The following TRPC1 variants were observed in gnomAD, a reference collection of about 807,000 sequenced individuals.
The protein encoded by TRPC1 is transient receptor potential cation channel subfamily C member 1.
Under a neutral mutation model 88.2 loss-of-function variants are expected in TRPC1, and 42 were observed. The observed-to-expected ratio is 0.48, with a 90% CI of 0.37 to 0.62. The LOEUF (loss-of-function observed/expected upper bound fraction) is 0.62, where lower values mean the gene tolerates loss of function less well. Ranked by LOEUF, TRPC1 falls within the 20% of genes least tolerant of loss-of-function variation. TRPC1 has a pLI of 0.00. For missense variants in TRPC1, 699 were observed against 957.3 expected, an observed-to-expected ratio of 0.73 and a Z score of 3.56; for synonymous variants, 288 against 331.8, an observed-to-expected ratio of 0.87 and a Z score of 1.43.
intron 5 of TRPC1, 70 bp from the exon 6 acceptor site, chr3:142,780,764 T>G: frequency 7.0e-7 from 1 of 1,429,404 alleles, no homozygotes; most frequent in Non-Finnish European, 9.3e-7. Context: ...AGTAAAAACG[T>G]TTTTAGTGAA....
intron 4 of TRPC1, among the ~76,000 whole-genome samples, chr3:142,757,546 G>A (rs569371091): frequency 4.3e-4 from 65 of 150,242 alleles, no homozygotes; most frequent in African/African-American, 1.6e-3. Flanking sequence ...ACTAACACAG[G>A]AACAGAAAAC....
At chr3:142,803,669 G>A (rs897189643) in intron 10 of TRPC1, among the ~76,000 whole-genome samples, 3 of 152,188 alleles carry the variant, frequency 2.0e-5, no homozygotes, top group African/African-American at 7.2e-5. Context: ...AGAGTCATTT[G>A]AAGGTTTTGA....
At chr3:142,798,676 C>T (rs929396222) in intron 9 of TRPC1, among the ~76,000 whole-genome samples, 1 of 152,120 alleles carries the variant, frequency 6.6e-6, no homozygotes, top group African/African-American at 2.4e-5. Context: ...ACAGGCTGGG[C>T]TGGACACTGA....
chr3:142,727,909 T>TGTTAA (rs1366376334), intron 1 of TRPC1, among the ~76,000 whole-genome samples: 2 of 152,096 alleles, frequency 1.3e-5, no homozygotes, highest in Non-Finnish European at 2.9e-5. Context: ...CTCAGGTCTG[T>TGTTAA]TAACAGGAGA....
chr3:142,773,503 A>G lies in TRPC1; in HGVS notation c.633-4129A>G, dbSNP rs117094456. Among the ~76,000 whole-genome samples, 38 of 151,910 alleles carry G rather than the reference A, an allele frequency of 2.5e-4. No individual in the cohort carries two copies. The East Asian group carries it at 7.4e-3, about 29-fold the overall frequency. ...AGAGAATATCCATAAAGGGAGAAATAATGAAAAGGAATACAGGCCGGATGC... is the reference window on the plus strand; with the variant it reads ...AGAGAATATCCATAAAGGGAGAAATGATGAAAAGGAATACAGGCCGGATGC... On this transcript the variant is annotated intron_variant, in intron 4 of 12. Transcript: ENST00000476941.
chr3:142,765,406 A>G (rs1007338541), intron 4 of TRPC1, among the ~76,000 whole-genome samples: 4 of 152,238 alleles, frequency 2.6e-5, no homozygotes, highest in Admixed American at 2.0e-4. Context: ...TCATCACATT[A>G]CCTGACTTCA....
chr3:142,798,094 A>G (rs1936506423), intron 9 of TRPC1, among the ~76,000 whole-genome samples: 1 of 152,034 alleles, frequency 6.6e-6, no homozygotes, highest in Non-Finnish European at 1.5e-5. Flanking sequence ...TTCAACCTAG[A>G]TTCTCAAGTC....
Position 142,784,796 on chromosome 3 carries a change from A to G in TRPC1, c.1053A>G (p.Ile351Met). The G allele has an allele frequency of 6.2e-7, 1 of 1,614,174 alleles. No homozygotes were observed. Among genetic ancestry groups the G allele is most frequent in the Non-Finnish European group, 8.5e-7 (1 of 1,180,012 alleles). Reference protein sequence around the residue: ...GYRRKPTCKKIMTVLTVGIFW... With the variant: ...GYRRKPTCKKMMTVLTVGIFW... ...GACGCAAGCCCACCTGTAAGAAGATAATGACTGTTTTGACAGTAGGCATCT... is the reference window on the plus strand; with the variant it reads ...GACGCAAGCCCACCTGTAAGAAGATGATGACTGTTTTGACAGTAGGCATCT... Residue 351 changes from isoleucine to methionine, a missense_variant, in exon 7 of 13, where the codon ATA becomes ATG. Physicochemically the swap from Ile to Met is conservative, Grantham distance 10. Transcript: ENST00000476941.
At chr3:142,736,327 C>A (rs372011137) in intron 1 of TRPC1, 52 bp from the exon 2 acceptor site, 2 of 1,387,318 alleles carry the variant, frequency 1.4e-6, no homozygotes, top group Non-Finnish European at 9.6e-7. Flanking sequence ...TTACAGTCAT[C>A]CTTACTTGAT....
chr3:142,783,563 A>T (rs1458903550), intron 6 of TRPC1, among the ~76,000 whole-genome samples: 1 of 152,134 alleles, frequency 6.6e-6, no homozygotes, highest in African/African-American at 2.4e-5. Context: ...CTTATTTGGA[A>T]CTTTGTGAAT....
At chr3:142,725,255 A>G (rs1169375877) in intron 1 of TRPC1, among the ~76,000 whole-genome samples, 2 of 152,212 alleles carry the variant, frequency 1.3e-5, no homozygotes, top group Non-Finnish European at 2.9e-5. Context: ...TTAGCCAGTG[A>G]CTGTTGACTG....
At chr3:142,742,934 T>A (rs1409057490) in intron 2 of TRPC1, among the ~76,000 whole-genome samples, 1 of 152,212 alleles carries the variant, frequency 6.6e-6, no homozygotes, top group Non-Finnish European at 1.5e-5. Flanking sequence ...TGGCTTATAC[T>A]TGATAAAATT....
At chr3:142,759,783 G>A (rs1935116054) in intron 4 of TRPC1, among the ~76,000 whole-genome samples, 1 of 152,128 alleles carries the variant, frequency 6.6e-6, no homozygotes, top group Non-Finnish European at 1.5e-5. Context: ...GAATGGTATT[G>A]CCTAGGTTTT....
chr3:142,728,336 T>TGTATTTC (rs1933763399), intron 1 of TRPC1, among the ~76,000 whole-genome samples: 1 of 40,530 alleles, frequency 2.5e-5, no homozygotes, highest in Non-Finnish European at 4.5e-5. Context: ...ACTGTATTTC[T>TGTATTTC]TTTTTTTTTT....
intron 9 of TRPC1, among the ~76,000 whole-genome samples, chr3:142,797,234 T>C (rs1397107236): frequency 6.6e-6 from 1 of 151,828 alleles, no homozygotes; most frequent in African/African-American, 2.4e-5. Flanking sequence ...TATTAATCCC[T>C]TTTCTTCCCT....
At chr3:142,769,524 T>A (rs1274076943) in intron 4 of TRPC1, among the ~76,000 whole-genome samples, 1 of 152,146 alleles carries the variant, frequency 6.6e-6, no homozygotes, top group Non-Finnish European at 1.5e-5. Flanking sequence ...TTTATATCTA[T>A]AAATTTTCCT....
intron 4 of TRPC1, among the ~76,000 whole-genome samples, chr3:142,761,177 G>A (rs1375678208): frequency 6.6e-6 from 1 of 152,100 alleles, no homozygotes; most frequent in African/African-American, 2.4e-5. Context: ...GTCTTTAGAG[G>A]AAAGGCCTTC....
chr3:142,747,247 G>T (rs1475115937), intron 3 of TRPC1, among the ~76,000 whole-genome samples: 3 of 151,962 alleles, frequency 2.0e-5, no homozygotes, highest in African/African-American at 7.3e-5. Flanking sequence ...AATGTTCCTT[G>T]GGTAGTAGGA....
At chr3:142,774,645 A>G (rs1935694821) in intron 4 of TRPC1, among the ~76,000 whole-genome samples, 1 of 152,130 alleles carries the variant, frequency 6.6e-6, no homozygotes, top group Non-Finnish European at 1.5e-5. Context: ...ACAATCAACA[A>G]TTCTCAATAA....
Sources: gnomAD v4.1 joint callset for allele counts (sites outside exome capture counted in the v4.1 genomes callset) on GRCh38, gnomAD v4.1.1 for gene constraint, MANE v1.5 for transcripts, NCBI Gene and HGNC (gene_info 2026-07-23, HGNC 2026-07-21) for gene names.